Variants in CACNA2D3 observed in about 807,000 individuals in gnomAD.
CACNA2D3 encodes calcium voltage-gated channel auxiliary subunit alpha2delta 3, also known as voltage-dependent calcium channel subunit alpha-2/delta-3.
A neutral mutation model predicts 160.6 loss-of-function variants in CACNA2D3; 60 were observed. The ratio of observed to expected loss-of-function variants is 0.37; its 90% CI spans 0.30 to 0.46. The LOEUF (loss-of-function observed/expected upper bound fraction) is 0.46. CACNA2D3 is among the 20% of genes least tolerant of loss of function. CACNA2D3 has a pLI of 1.00. For missense variants in CACNA2D3, 1,205 were observed against 1,365.0 expected (o/e 0.88, Z 1.85); for synonymous variants, 558 against 492.9 (o/e 1.13, Z -1.75).
At position 54,878,995 on chromosome 3, in the gene CACNA2D3, A is replaced by G. The variant is rs762414519; in HGVS notation, c.1711-23A>G. On this transcript the variant is annotated intron_variant, in intron 18 of 37. Transcript: ENST00000474759. Reference sequence around the variant, plus strand: ...CATGATAACCCAGGGAAGAACTAACACACTTTTCTTTTATCATTTTAGTTG... The same window carrying G: ...CATGATAACCCAGGGAAGAACTAACGCACTTTTCTTTTATCATTTTAGTTG... 3.3e-6 allele frequency: 5 copies of G among 1,519,520 alleles called. No individual in the cohort carries two copies. In the South Asian group the frequency reaches 6.0e-5, roughly 18 times the overall value. 94.1% of individuals were successfully genotyped at this position (1,519,520 alleles called of 1,614,324 possible). A position where few individuals can be genotyped will look rare whatever the true frequency, so the allele number is the denominator to read the frequency against.
chr3:54,959,870 A>G (rs1191677722), intron 27 of CACNA2D3, among the ~76,000 whole-genome samples: 4 of 152,218 alleles, frequency 2.6e-5, no homozygotes, highest in African/African-American at 9.6e-5. Flanking sequence ...AGCTGAGGGA[A>G]TATAGGTTTC....
intron 27 of CACNA2D3, among the ~76,000 whole-genome samples, chr3:54,946,678 T>C (rs954007613): frequency 6.6e-6 from 1 of 152,088 alleles, no homozygotes; most frequent in Non-Finnish European, 1.5e-5. Context: ...GGAGCTAGCA[T>C]TTTGGCCAAC....
intron 2 of CACNA2D3, among the ~76,000 whole-genome samples, chr3:54,184,767 T>C (rs1700850537): frequency 1.3e-5 from 2 of 152,232 alleles, no homozygotes; most frequent in African/African-American, 4.8e-5. Context: ...GAGTAGTTAA[T>C]GTGGGTGAAA....
At chr3:54,439,340 T>TGTGTGTGTGA (rs1297365833) in intron 4 of CACNA2D3, among the ~76,000 whole-genome samples, 1 of 151,846 alleles carries the variant, frequency 6.6e-6, no homozygotes, top group African/African-American at 2.4e-5. Flanking sequence ...TGTTTGTGTG[T>TGTGTGTGTGA]GAAGATAGAG....
At chr3:54,600,134 G>A (rs963886714) in intron 9 of CACNA2D3, among the ~76,000 whole-genome samples, 2 of 152,188 alleles carry the variant, frequency 1.3e-5, no homozygotes, top group Non-Finnish European at 2.9e-5. Context: ...GTTTCAAGCA[G>A]TGTTCGACGC....
chr3:54,727,336 G>T lies in CACNA2D3; in HGVS notation c.1168-25263G>T, dbSNP rs533529055. Among the ~76,000 whole-genome samples, 9 of 152,294 alleles carry T rather than the reference G, an allele frequency of 5.9e-5. No individual in the cohort carries two copies. In the South Asian group the frequency reaches 1.9e-3, roughly 32 times the overall value. On this transcript the variant is annotated intron_variant, in intron 11 of 37. Transcript: ENST00000474759. ...AGTGTAAATTAGTTTAACCATTGTG[G>T]AAGACAGTGTGGCAATTCCTCAAGG... is the stretch of plus-strand genomic sequence containing the variant.
intron 11 of CACNA2D3, among the ~76,000 whole-genome samples, chr3:54,648,992 G>A (rs1333953045): frequency 6.6e-6 from 1 of 152,194 alleles, no homozygotes; most frequent in Non-Finnish European, 1.5e-5. Context: ...TCCAACATTG[G>A]TGGTCAAATT....
chr3:54,278,409 C>T lies in CACNA2D3; in HGVS notation c.205-42033C>T, dbSNP rs146801177. Among the ~76,000 whole-genome samples the T allele has an allele frequency of 2.6e-5, 4 of 152,012 alleles. No individual in the cohort carries two copies. In the East Asian group the frequency reaches 5.8e-4, roughly 22 times the overall value. On this transcript the variant is annotated intron_variant, in intron 2 of 37. Coordinates refer to ENST00000474759, the MANE Select transcript of CACNA2D3 (RefSeq NM_018398.3). ...GTTGGTGGGAGTGTAAATTAGTTCA[C>T]CTGTGGAAGTCAGTGTGGTGATTCC... is the stretch of plus-strand genomic sequence containing the variant.
chr3:54,624,358 C>T lies in CACNA2D3; in HGVS notation c.964-3429C>T, dbSNP rs189612907. 1.3e-3 allele frequency among the ~76,000 whole-genome samples: 201 copies of T among 152,360 alleles called. 1 individual carries two copies. The highest frequency in any genetic ancestry group is 4.5e-3 in the African/African-American group (189 of 41,592). ...GCTCTGTAGGCTGGGCCCGGTGGCT[C>T]ATGCCTGTAATCCCAGCACTTTGGG... On this transcript the variant is annotated intron_variant, in intron 9 of 37. Transcript: ENST00000474759.
At chr3:54,940,068 T>A (rs1007403401) in intron 27 of CACNA2D3, among the ~76,000 whole-genome samples, 1 of 152,110 alleles carries the variant, frequency 6.6e-6, no homozygotes, top group South Asian at 2.1e-4. Flanking sequence ...CTTACAGCCT[T>A]CCCACTGGAC....
At chr3:54,183,636 G>T (rs1197339988) in intron 2 of CACNA2D3, among the ~76,000 whole-genome samples, 5 of 152,028 alleles carry the variant, frequency 3.3e-5, no homozygotes, top group Non-Finnish European at 7.4e-5. Context: ...TGTAATCCCA[G>T]CACTTTGGGA....
intron 14 of CACNA2D3, among the ~76,000 whole-genome samples, chr3:54,829,885 CTTTTT>C (rs58291013): frequency 4.7e-5 from 3 of 64,352 alleles, no homozygotes; most frequent in East Asian, 5.1e-4. Flanking sequence ...TCTTCTTCAT[CTTTTT>C]TTTTTTTTTT....
At chr3:54,299,951 G>GACCC (rs1703436715) in intron 2 of CACNA2D3, among the ~76,000 whole-genome samples, 1 of 152,200 alleles carries the variant, frequency 6.6e-6, no homozygotes, top group Non-Finnish European at 1.5e-5. Flanking sequence ...GGATGGTGTA[G>GACCC]ACCCCCTAAC....
At chr3:54,158,144 A>G (rs1385336674) in intron 2 of CACNA2D3, among the ~76,000 whole-genome samples, 5 of 152,010 alleles carry the variant, frequency 3.3e-5, no homozygotes, top group African/African-American at 4.8e-5. Flanking sequence ...AGGGGCTGGG[A>G]GGTATTAGGA....
chr3:54,357,404 A>G (rs75340513), intron 3 of CACNA2D3, among the ~76,000 whole-genome samples: 1,970 of 152,336 alleles, frequency 0.013, 22 homozygotes, highest in Non-Finnish European at 0.02. Flanking sequence ...TTATTGAAAT[A>G]TAAAGTGCTC....
At chr3:54,689,887 T>A (rs1399520174) in intron 11 of CACNA2D3, among the ~76,000 whole-genome samples, 2 of 152,182 alleles carry the variant, frequency 1.3e-5, no homozygotes, top group African/African-American at 4.8e-5. Context: ...GTTTCTCCTC[T>A]GCTCAGTCCT....
At chr3:54,813,546 T>TG (rs914645554) in intron 13 of CACNA2D3, among the ~76,000 whole-genome samples, 2 of 152,254 alleles carry the variant, frequency 1.3e-5, no homozygotes, top group South Asian at 4.1e-4. Context: ...AACATGGTGG[T>TG]GGGGGGTGTT....
At chr3:54,685,616 A>T (rs1044196883) in intron 11 of CACNA2D3, among the ~76,000 whole-genome samples, 4 of 152,174 alleles carry the variant, frequency 2.6e-5, no homozygotes, top group African/African-American at 9.7e-5. Context: ...TAGCAATGTA[A>T]TCTTAACCTC....
intron 4 of CACNA2D3, among the ~76,000 whole-genome samples, chr3:54,457,136 A>G (rs1440648703): frequency 1.3e-5 from 2 of 150,984 alleles, no homozygotes; most frequent in East Asian, 2.0e-4. Flanking sequence ...TTTCTAGTTC[A>G]TTGAGGTGTA....
Sources: gnomAD v4.1 joint callset for allele counts (sites outside exome capture counted in the v4.1 genomes callset) on GRCh38, gnomAD v4.1.1 for gene constraint, MANE v1.5 for transcripts, NCBI Gene and HGNC (gene_info 2026-07-23, HGNC 2026-07-21) for gene names.